WNT16: variants seen among roughly 807,000 people sequenced by gnomAD.
The protein encoded by WNT16 is protein Wnt-16.
Under a neutral mutation model 35.4 loss-of-function variants are expected in WNT16, and 20 were observed. That is an observed-to-expected ratio of 0.56 (90% confidence interval 0.40 to 0.82). The LOEUF (loss-of-function observed/expected upper bound fraction) is 0.82, where lower values mean the gene tolerates loss of function less well. Among genes scored for constraint, WNT16 ranks in the 40% least tolerant of loss-of-function variants. The probability of loss-of-function intolerance (pLI) is 0.00; values close to 1 mark genes in which losing one functional copy is unlikely to be tolerated. For missense variants in WNT16, 461 were observed against 466.0 expected (o/e 0.99, Z 0.10); for synonymous variants, 180 against 179.2 (o/e 1.00, Z -0.03).
At chr7:121,330,425 G>A (rs553867869) in intron 2 of WNT16, among the ~76,000 whole-genome samples, 1 of 152,322 alleles carries the variant, frequency 6.6e-6, no homozygotes, top group Admixed American at 6.5e-5. Context: ...GCACTCCCGC[G>A]GCGCGGGAAG....
In WNT16 at chr7:121,329,754, ACCG is replaced by A; in HGVS notation, c.292_294del (p.Ala98del). ...ACACGAGAGATGGAACTGCATGATCACCGCCGCCGCCACTACCGCCCCGATGGG... is the reference window on the plus strand; with the variant it reads ...ACACGAGAGATGGAACTGCATGATCACCGCCGCCACTACCGCCCCGATGGG... On this transcript the variant is annotated inframe_deletion, in exon 2 of 4. Transcript: ENST00000222462. 1 of 1,604,384 alleles carries A rather than the reference ACCG, an allele frequency of 6.2e-7. No individual in the cohort carries two copies.
rs905106366 is a variant in WNT16 at position 121,340,861 on chromosome 7, T to C, written c.*1516T>C. The C allele has an allele frequency of 6.6e-6, 1 of 152,134 alleles. No homozygotes were observed. Among genetic ancestry groups the C allele is most frequent in the Non-Finnish European group, 1.5e-5 (1 of 67,986 alleles). 9.4% of individuals were successfully genotyped at this position (152,134 alleles called of 1,614,324 possible). On this transcript the variant is annotated 3_prime_UTR_variant, in exon 4 of 4. Coordinates refer to ENST00000222462, the MANE Select transcript of WNT16 (RefSeq NM_057168.2). Reference sequence around the variant, plus strand: ...TTTTAATGTAAATGCTTATGTTTTTTATGAATTGTTAAATATTTCAGTATT... The same window carrying C: ...TTTTAATGTAAATGCTTATGTTTTTCATGAATTGTTAAATATTTCAGTATT...
intron 3 of WNT16, among the ~76,000 whole-genome samples, chr7:121,337,969 T>C (rs1349731447): frequency 6.6e-6 from 1 of 152,206 alleles, no homozygotes. Context: ...GGCATGTGTT[T>C]TGAATTAATT....
chr7:121,329,663 G>T lies in WNT16; in HGVS notation c.192G>T (p.Pro64=). Residue 64 remains proline (P), a synonymous_variant, in exon 2 of 4, where the codon CCG becomes CCT. Coordinates refer to ENST00000222462, the MANE Select transcript of WNT16 (RefSeq NM_057168.2). ...AGAAGGAGCTGTGCAAGAGGAAACC[G>T]TACCTGCTGCCGAGCATCCGAGAGG... ...SRQKELCKRK[P]YLLPSIREGA... 6.2e-7 allele frequency: 1 copy of T among 1,614,204 alleles called. No individual in the cohort carries two copies. Among genetic ancestry groups the T allele is most frequent in the South Asian group, 1.1e-5 (1 of 91,092 alleles).
rs1406246582 is a variant in WNT16 at position 121,339,381 on chromosome 7, A to G, written c.*36A>G. 1 of 1,578,818 alleles carries G rather than the reference A, an allele frequency of 6.3e-7. No homozygotes were observed. The highest frequency in any genetic ancestry group is 8.6e-7 in the Non-Finnish European group (1 of 1,162,140). ...CAGCCTTGGGCAAGATGCCTCAGCA[A>G]TATACAATGGCATTGCAACCAGAGA... On this transcript the variant is annotated 3_prime_UTR_variant, in exon 4 of 4. Transcript: ENST00000222462.
intron 3 of WNT16, among the ~76,000 whole-genome samples, chr7:121,332,207 G>T (rs1048207813): frequency 6.6e-6 from 1 of 151,398 alleles, no homozygotes; most frequent in Admixed American, 6.6e-5. Context: ...GTAAGAGGAT[G>T]AATAGGAGGC....
At chr7:121,336,128 T>C (rs2116841406) in intron 3 of WNT16, among the ~76,000 whole-genome samples, 1 of 151,902 alleles carries the variant, frequency 6.6e-6, no homozygotes, top group East Asian at 1.9e-4. Flanking sequence ...TGGAATATTA[T>C]GGGGGTATAA....
chr7:121,329,680 T>A lies in WNT16; in HGVS notation c.209T>A (p.Ile70Asn), dbSNP rs781131363. ...CKRKPYLLPS[I>N]REGARLGIQE... ...AGGAAACCGTACCTGCTGCCGAGCA[T>A]CCGAGAGGGCGCCCGGCTGGGCATT... The change falls in exon 2 of 4, where the codon ATC becomes AAC. Residue 70 changes from isoleucine to asparagine, a missense_variant. By Grantham distance (149) the Ile-to-Asn change is moderately radical. Transcript: ENST00000222462. The A allele has an allele frequency of 5.6e-6, 9 of 1,614,046 alleles. No homozygotes were observed. Among genetic ancestry groups the A allele is most frequent in the Non-Finnish European group, 7.6e-6 (9 of 1,180,016 alleles).
intron 1 of WNT16, 45 bp from the exon 2 acceptor site, chr7:121,329,521 TG>T: frequency 1.9e-6 from 3 of 1,605,094 alleles, no homozygotes; most frequent in Non-Finnish European, 2.6e-6. Context: ...GGAAAACATC[TG>T]GAATTGGGGA....
intron 3 of WNT16, among the ~76,000 whole-genome samples, chr7:121,336,085 T>C (rs1562876996): frequency 6.6e-6 from 1 of 151,628 alleles, no homozygotes; most frequent in Non-Finnish European, 1.5e-5. Flanking sequence ...TACACTGCTT[T>C]ATTCTAATTC....
In WNT16 at chr7:121,331,783, C is replaced by A. The variant is rs1174604219; in HGVS notation, c.452C>A (p.Thr151Asn). Reference protein sequence around the residue: ...AGNMTECSCDTTLQNGGSASE... With the variant: ...AGNMTECSCDNTLQNGGSASE... ...AACATGACAGAGTGTTCCTGTGACA[C>A]CACCTTGCAGAACGGCGGCTCAGCA... The change falls in exon 3 of 4, where the codon ACC becomes AAC. Residue 151 changes from threonine to asparagine, a missense_variant. Thr to Asn is a moderately conservative substitution (Grantham distance 65, BLOSUM62 0). Coordinates refer to ENST00000222462, the MANE Select transcript of WNT16 (RefSeq NM_057168.2). 3.7e-6 allele frequency: 6 copies of A among 1,614,210 alleles called. No homozygotes were observed. Among genetic ancestry groups the A allele is most frequent in the South Asian group, 1.1e-5 (1 of 91,086 alleles).
upstream of WNT16, among the ~76,000 whole-genome samples, chr7:121,328,614 A>T (rs1443370560): frequency 6.6e-6 from 1 of 152,178 alleles, no homozygotes; most frequent in Non-Finnish European, 1.5e-5. Flanking sequence ...AAGGAGAAGA[A>T]AAAAAGGTCA....
At chr7:121,327,485 G>A (rs889283690), upstream of WNT16, among the ~76,000 whole-genome samples, 1 of 151,562 alleles carries the variant, frequency 6.6e-6, no homozygotes, top group Non-Finnish European at 1.5e-5. Flanking sequence ...CGAGTAGCTG[G>A]GATTACAGGC....
intron 3 of WNT16, among the ~76,000 whole-genome samples, chr7:121,334,062 A>G (rs962187538): frequency 1.3e-5 from 2 of 151,998 alleles, no homozygotes; most frequent in African/African-American, 4.8e-5. Flanking sequence ...CTTCCTATTC[A>G]CCATTAATTT....
At chr7:121,328,561 C>A (rs961502993), upstream of WNT16, among the ~76,000 whole-genome samples, 1 of 152,026 alleles carries the variant, frequency 6.6e-6, no homozygotes, top group Non-Finnish European at 1.5e-5. Context: ...TTAATTTGTT[C>A]GGTACCAACT....
chr7:121,328,097 G>T (rs961978510), upstream of WNT16, among the ~76,000 whole-genome samples: 1 of 152,324 alleles, frequency 6.6e-6, no homozygotes, highest in African/African-American at 2.4e-5. Context: ...TAATAAGTAC[G>T]TTTTTAAAAA....
chr7:121,325,553 C>T (rs560070031), upstream of WNT16: 108 of 1,456,244 alleles, frequency 7.4e-5, no homozygotes, highest in South Asian at 2.2e-4. Flanking sequence ...TGAATTGTGA[C>T]GTAAGGAACC....
At position 121,329,039 on chromosome 7, in the gene WNT16, G is replaced by T. The variant is rs943221946; in HGVS notation, c.-254G>T. The T allele has an allele frequency of 5.7e-6, 7 of 1,228,214 alleles. No homozygotes were observed. In the East Asian group the frequency reaches 1.3e-4, roughly 22 times the overall value. 76.1% of individuals were successfully genotyped at this position (1,228,214 alleles called of 1,614,324 possible). A position where few individuals can be genotyped will look rare whatever the true frequency, so the allele number is the denominator to read the frequency against. ...ACCTAGGAATGCGAGGGGCGCTCCCGCATCTCCTGCACATCTCCACCCCTG... is the reference window on the plus strand; with the variant it reads ...ACCTAGGAATGCGAGGGGCGCTCCCTCATCTCCTGCACATCTCCACCCCTG... On this transcript the variant is annotated 5_prime_UTR_variant, in exon 1 of 4. Transcript: ENST00000222462.
chr7:121,333,341 A>G (rs1793384936), intron 3 of WNT16, among the ~76,000 whole-genome samples: 1 of 152,022 alleles, frequency 6.6e-6, no homozygotes, highest in African/African-American at 2.4e-5. Flanking sequence ...GTCGGTAAAT[A>G]TATCACTGTA....
Sources: allele counts gnomAD v4.1 joint callset (sites outside exome capture counted in the v4.1 genomes callset), GRCh38; gene constraint gnomAD v4.1.1; transcripts MANE v1.5; gene names NCBI Gene and HGNC (gene_info 2026-07-23, HGNC 2026-07-21).